ZNF280D: variants seen among roughly 807,000 people sequenced by gnomAD.
ZNF280D encodes the protein suppressor of hairy wing homolog 4.
A neutral mutation model predicts 94.7 loss-of-function variants in ZNF280D; 39 were observed. The observed-to-expected ratio is 0.41, with a 90% CI of 0.32 to 0.54. The LOEUF is 0.54. Ranked by LOEUF, ZNF280D falls within the 20% of genes least tolerant of loss-of-function variation. The probability of loss-of-function intolerance (pLI) is 0.22; values close to 1 mark genes in which losing one functional copy is unlikely to be tolerated. For missense variants in ZNF280D, 1,090 were observed against 1,149.3 expected, an observed-to-expected ratio of 0.95 and a Z score of 0.75; for synonymous variants, 398 against 377.6, an observed-to-expected ratio of 1.05 and a Z score of -0.63.
At chr15:56,634,244 A>C (rs1166200359) in intron 21 of ZNF280D, 1 of 151,936 alleles carries the variant, frequency 6.6e-6, no homozygotes, top group Non-Finnish European at 1.5e-5. Context: ...TCAATCACTT[A>C]ACTCATTTTT....
At chr15:56,638,307 A>T (rs2052452232) in intron 20 of ZNF280D, among the ~76,000 whole-genome samples, 1 of 152,226 alleles carries the variant, frequency 6.6e-6, no homozygotes, top group Non-Finnish European at 1.5e-5. Flanking sequence ...ATGATATTAC[A>T]AAATTAGGCA....
At chr15:56,671,128 T>C (rs1433723195) in intron 13 of ZNF280D, among the ~76,000 whole-genome samples, 1 of 152,162 alleles carries the variant, frequency 6.6e-6, no homozygotes, top group African/African-American at 2.4e-5. Context: ...GTAAGTTGTC[T>C]GCTTACTTTG....
intron 13 of ZNF280D, among the ~76,000 whole-genome samples, chr15:56,673,810 T>G (rs2055029853): frequency 6.6e-6 from 1 of 152,000 alleles, no homozygotes; most frequent in South Asian, 2.1e-4. Context: ...TAATGTCACC[T>G]CTCCGAGGTA....
chr15:56,665,101 C>A (rs1254182344), intron 16 of ZNF280D, among the ~76,000 whole-genome samples: 1 of 151,978 alleles, frequency 6.6e-6, no homozygotes, highest in Non-Finnish European at 1.5e-5. Flanking sequence ...ACTAAAGAAG[C>A]AAGATACCAT....
At chr15:56,673,538 T>C (rs7182443) in intron 13 of ZNF280D, among the ~76,000 whole-genome samples, 10,284 of 152,076 alleles carry the variant, frequency 0.068, 1,180 homozygotes, top group African/African-American at 0.23. Context: ...CCCCCTAATA[T>C]CCTTTCTTCT....
chr15:56,720,983 G>GA lies in ZNF280D; in HGVS notation c.-86+12474dup, dbSNP rs1555428114. Among the ~76,000 whole-genome samples the GA allele has an allele frequency of 1.7e-4, 18 of 105,742 alleles. 1 individual carries two copies. The highest frequency in any genetic ancestry group is 4.5e-4 in the African/African-American group (14 of 31,280). 69.4% of individuals were successfully genotyped at this position (105,742 alleles called of 152,430 possible). ...TAGCATTTTTTTTGGGGGGGGGGGG[G>GA]ACAGAGTCTCGCTCCATTGACCAGC... On this transcript the variant is annotated intron_variant, in intron 1 of 21. Transcript: ENST00000267807.
chr15:56,686,215 T>C (rs571556146), intron 9 of ZNF280D, among the ~76,000 whole-genome samples: 79 of 152,336 alleles, frequency 5.2e-4, no homozygotes, highest in African/African-American at 1.8e-3. Flanking sequence ...CTCGGCTCAC[T>C]GCAACCTCCG....
In ZNF280D at chr15:56,632,732, CTCTTG is replaced by C. The variant is rs2052144963; in HGVS notation, c.2316-615_2316-611del. ...GCTGGTCTCCTGGGCTCAAGCAATC[CTCTTG>C]CCTTGGCTCCCAAAGGGCTGGGATT... is the stretch of plus-strand genomic sequence containing the variant. On this transcript the variant is annotated intron_variant, in intron 21 of 21. Transcript: ENST00000267807. Among the ~76,000 whole-genome samples the C allele has an allele frequency of 2.6e-5, 4 of 151,932 alleles. No individual in the cohort carries two copies. In the South Asian group the frequency reaches 8.3e-4, roughly 32 times the overall value.
At chr15:56,674,124 C>A (rs752288036) in intron 13 of ZNF280D, among the ~76,000 whole-genome samples, 9 of 152,032 alleles carry the variant, frequency 5.9e-5, no homozygotes, top group Admixed American at 2.0e-4. Flanking sequence ...GTAAATATTT[C>A]TTAAATGAAT....
At chr15:56,700,698 C>T in intron 6 of ZNF280D, 4 of 1,435,626 alleles carry the variant, frequency 2.8e-6, no homozygotes, top group Non-Finnish European at 3.6e-6. Flanking sequence ...GTTTTCATTA[C>T]TGTACCTATT....
At chr15:56,727,384 G>A (rs1057326927) in intron 1 of ZNF280D, among the ~76,000 whole-genome samples, 8 of 152,140 alleles carry the variant, frequency 5.3e-5, no homozygotes, top group African/African-American at 9.7e-5. Flanking sequence ...ACTTGAACCC[G>A]GGAAGTGGAG....
At chr15:56,657,688 AT>A (rs1448196247) in intron 17 of ZNF280D, among the ~76,000 whole-genome samples, 4 of 152,202 alleles carry the variant, frequency 2.6e-5, no homozygotes, top group Non-Finnish European at 5.9e-5. Flanking sequence ...CTTTATACCC[AT>A]TAGGGTGACT....
chr15:56,704,372 T>G, intron 3 of ZNF280D, 105 bp from the exon 4 acceptor site: 1 of 1,112,714 alleles, frequency 9.0e-7, no homozygotes. Flanking sequence ...ATAATCTTAA[T>G]AGCAATTTCT....
intron 3 of ZNF280D, 35 bp from the exon 4 acceptor site, chr15:56,704,302 T>C (rs762597896): frequency 3.5e-5 from 54 of 1,563,466 alleles, no homozygotes; most frequent in Admixed American, 1.1e-4. Flanking sequence ...AACCTCATTT[T>C]TGAAAATAAA....
chr15:56,640,083 A>G (rs1008821417), intron 20 of ZNF280D, among the ~76,000 whole-genome samples: 4 of 152,220 alleles, frequency 2.6e-5, no homozygotes, highest in Admixed American at 1.3e-4. Flanking sequence ...CGAGTAAAAA[A>G]GATACATATT....
At chr15:56,679,815 T>C (rs1249852896) in intron 10 of ZNF280D, among the ~76,000 whole-genome samples, 1 of 152,240 alleles carries the variant, frequency 6.6e-6, no homozygotes, top group African/African-American at 2.4e-5. Flanking sequence ...TTTACAGCAC[T>C]ATTCTCTTTA....
chr15:56,654,967 G>T (rs1204801310), intron 17 of ZNF280D: 1 of 223,408 alleles, frequency 4.5e-6, no homozygotes, highest in African/African-American at 2.3e-5. Context: ...TGCTCGAATG[G>T]AGCTTACTTA....
In ZNF280D at chr15:56,691,344, G is replaced by A. The variant is rs115130076; in HGVS notation, c.499+1754C>T. Among the ~76,000 whole-genome samples the A allele has an allele frequency of 5.0e-3, 757 of 152,148 alleles. 11 individuals are homozygous for A. The highest frequency in any genetic ancestry group is 0.017 in the African/African-American group (723 of 41,502). ...TGATAGATATACTGTAGGTACATTG[G>A]AAAAATTCTGTATAATCACATTCAC... On this transcript the variant is annotated intron_variant, in intron 7 of 21. Coordinates refer to ENST00000267807, the MANE Select transcript of ZNF280D (RefSeq NM_017661.4).
chr15:56,659,175 T>TAAAA (rs35057161), intron 16 of ZNF280D, among the ~76,000 whole-genome samples: 29 of 93,168 alleles, frequency 3.1e-4, no homozygotes, highest in Middle Eastern at 6.0e-3. Flanking sequence ...TGTTTTTTAT[T>TAAAA]AAAAAAAAAA....
Sources: allele counts gnomAD v4.1 joint callset (sites outside exome capture counted in the v4.1 genomes callset), GRCh38; gene constraint gnomAD v4.1.1; transcripts MANE v1.5; gene names NCBI Gene and HGNC (gene_info 2026-07-23, HGNC 2026-07-21).